DPY19L4: variants seen among roughly 807,000 people sequenced by gnomAD.
The protein encoded by DPY19L4 is dpy-19 like 4, also known as probable C-mannosyltransferase DPY19L4.
In DPY19L4, 97 loss-of-function variants were observed where a neutral mutation model predicts 102.8. The ratio of observed to expected loss-of-function variants is 0.94; its 90% confidence interval spans 0.80 to 1.12. The LOEUF is 1.12. Among genes scored for constraint, DPY19L4 ranks in the 50% most tolerant of loss-of-function variants. DPY19L4 has a pLI of 0.00. For missense variants in DPY19L4, 815 were observed against 850.4 expected, an observed-to-expected ratio of 0.96 and a Z score of 0.52; for synonymous variants, 252 against 283.1, an observed-to-expected ratio of 0.89 and a Z score of 1.10.
chr8:94,738,516 C>G, intron 4 of DPY19L4, 57 bp downstream of exon 4: 5 of 779,692 alleles, frequency 6.4e-6, no homozygotes, highest in Non-Finnish European at 7.0e-6. Context: ...CTTTTCTTTT[C>G]TTTTTTTTTT....
chr8:94,779,786 A>G (rs1003410008), intron 14 of DPY19L4, among the ~76,000 whole-genome samples: 2 of 152,208 alleles, frequency 1.3e-5, no homozygotes, highest in African/African-American at 4.8e-5. Flanking sequence ...TCTGGTTGGT[A>G]TGACTGGATC....
rs1240950340 is a variant in DPY19L4 at position 94,764,645 on chromosome 8, ATATG to A, written c.871-521_871-518del. 1.8e-3 allele frequency among the ~76,000 whole-genome samples: 240 copies of A among 134,562 alleles called. 1 individual carries two copies. Among genetic ancestry groups the A allele is most frequent in the Non-Finnish European group, 2.9e-3 (185 of 64,490 alleles). 88.3% of individuals were successfully genotyped at this position (134,562 alleles called of 152,430 possible). ...TATTTTATACATATATATTATATAT[ATATG>A]TATGTATGTATGTATGCGTGTGTGT... On this transcript the variant is annotated intron_variant, in intron 8 of 18. Transcript: ENST00000414645.
chr8:94,765,390 G>T, intron 9 of DPY19L4, 76 bp downstream of exon 9: 1 of 1,411,460 alleles, frequency 7.1e-7, no homozygotes, highest in East Asian at 2.3e-5. Flanking sequence ...TGTTGCCCAG[G>T]CTGGAGTACA....
Position 94,787,895 on chromosome 8 carries a change from T to G in DPY19L4, c.1850T>G (p.Ile617Ser), listed in dbSNP as rs1813720674. 1 of 1,360,514 alleles carries G rather than the reference T, an allele frequency of 7.4e-7. No individual in the cohort carries two copies. 84.3% of individuals were successfully genotyped at this position (1,360,514 alleles called of 1,614,324 possible). The change falls in exon 18 of 19, where the codon ATC becomes AGC. Residue 617 changes from isoleucine (I) to serine (S), a missense_variant and splice_region_variant. By Grantham distance (142) the Ile-to-Ser change is moderately radical (BLOSUM62 -2). Coordinates refer to ENST00000414645, the MANE Select transcript of DPY19L4 (RefSeq NM_181787.3). ...DDDLLKRNEN[I>S]YQIYSKRSAE... ...TTTATTTTAATTATATTCTTTCAGA[T>G]CTACCAAATCTATTCAAAGCGATCT...
At chr8:94,733,033 C>T (rs1454367018) in intron 2 of DPY19L4, among the ~76,000 whole-genome samples, 4 of 146,604 alleles carry the variant, frequency 2.7e-5, no homozygotes, top group Non-Finnish European at 4.5e-5. Flanking sequence ...AGTCTGGTTT[C>T]AAACTCATGA....
In DPY19L4 at chr8:94,765,237, C is replaced by T. The variant is rs772854722; in HGVS notation, c.925C>T (p.Gln309Ter). Reference protein sequence around the residue: ...IFSLFLGYLLQFENPALLVSP... With the variant: ...IFSLFLGYLL ...TTCCCTCTTTCTGGGATATTTACTACAGTTTGAGAATCCAGCTTTGTTGGT... is the reference window on the plus strand; with the variant it reads ...TTCCCTCTTTCTGGGATATTTACTATAGTTTGAGAATCCAGCTTTGTTGGT... The change falls in exon 9 of 19, where the codon CAG becomes TAG. Residue 309 changes from glutamine to a stop codon, truncating the protein, a stop_gained. Transcript: ENST00000414645. LOFTEE classifies it high-confidence loss of function. The T allele has an allele frequency of 6.2e-7, 1 of 1,607,476 alleles. No individual in the cohort carries two copies. The highest frequency in any genetic ancestry group is 1.1e-5 in the South Asian group (1 of 89,216).
rs190859529 is a variant in DPY19L4 at position 94,758,557 on chromosome 8, A to G, written c.735+2398A>G. 5.9e-5 allele frequency among the ~76,000 whole-genome samples: 9 copies of G among 152,248 alleles called. No homozygotes were observed. The East Asian group carries it at 9.6e-4, about 16-fold the overall frequency. On this transcript the variant is annotated intron_variant, in intron 7 of 18. Coordinates refer to ENST00000414645, the MANE Select transcript of DPY19L4 (RefSeq NM_181787.3). ...CCAAACCTCTGGCAACCACTGATCTATTCTCTATCACTATAATTTTGTCAC... is the reference window on the plus strand; with the variant it reads ...CCAAACCTCTGGCAACCACTGATCTGTTCTCTATCACTATAATTTTGTCAC...
chr8:94,763,750 T>A (rs1476375754), intron 8 of DPY19L4, among the ~76,000 whole-genome samples: 1 of 152,078 alleles, frequency 6.6e-6, no homozygotes, highest in Non-Finnish European at 1.5e-5. Flanking sequence ...GGTCTTGAAC[T>A]CCTGGCCTCA....
At chr8:94,744,685 AAG>A (rs765036329) in intron 6 of DPY19L4, 19 of 407,778 alleles carry the variant, frequency 4.7e-5, no homozygotes, top group Non-Finnish European at 7.3e-5. Flanking sequence ...TTTAAAGAAT[AAG>A]ACTCTCTTAT....
At chr8:94,748,476 A>T (rs147744990) in intron 6 of DPY19L4, among the ~76,000 whole-genome samples, 105 of 152,192 alleles carry the variant, frequency 6.9e-4, no homozygotes, top group African/African-American at 2.3e-3. Flanking sequence ...TTTCAAAAAA[A>T]TTTTTTGGGA....
intron 3 of DPY19L4, among the ~76,000 whole-genome samples, 190 bp from the exon 4 acceptor site, chr8:94,738,179 G>A (rs1176652738): frequency 2.0e-5 from 3 of 151,606 alleles, no homozygotes; most frequent in Non-Finnish European, 4.4e-5. Flanking sequence ...ATAGCCGGGC[G>A]TGGTGGCAGG....
At chr8:94,774,507 A>G (rs1263464263) in intron 13 of DPY19L4, among the ~76,000 whole-genome samples, 2 of 151,996 alleles carry the variant, frequency 1.3e-5, no homozygotes, top group Non-Finnish European at 2.9e-5. Context: ...AAAACTGTGT[A>G]TCAATGAACA....
chr8:94,725,889 G>A (rs1230741257), intron 1 of DPY19L4, among the ~76,000 whole-genome samples: 7 of 151,952 alleles, frequency 4.6e-5, no homozygotes, highest in African/African-American at 1.2e-4. Context: ...CGCCCACCTC[G>A]GCCTCCCAAA....
intron 17 of DPY19L4, among the ~76,000 whole-genome samples, chr8:94,786,693 G>A (rs1379694526): frequency 6.6e-6 from 1 of 152,002 alleles, no homozygotes; most frequent in Non-Finnish European, 1.5e-5. Flanking sequence ...GACTACTGGT[G>A]CATGCCACCG....
intron 1 of DPY19L4, among the ~76,000 whole-genome samples, chr8:94,725,264 A>G (rs1314960071): frequency 6.6e-6 from 1 of 152,242 alleles, no homozygotes; most frequent in Non-Finnish European, 1.5e-5. Context: ...AAATTATTGT[A>G]TCACTTTATA....
At chr8:94,741,620 T>C (rs1811447777) in intron 6 of DPY19L4, among the ~76,000 whole-genome samples, 1 of 152,222 alleles carries the variant, frequency 6.6e-6, no homozygotes, top group African/African-American at 2.4e-5. Flanking sequence ...TCTGTACTTA[T>C]GGATTTTTAT....
chr8:94,738,906 A>C (rs1334461584), intron 4 of DPY19L4, among the ~76,000 whole-genome samples: 1 of 152,064 alleles, frequency 6.6e-6, no homozygotes, highest in Non-Finnish European at 1.5e-5. Context: ...GTAATTGTGC[A>C]TATTTATGGG....
At chr8:94,728,243 G>A (rs1166544473) in intron 2 of DPY19L4, among the ~76,000 whole-genome samples, 1 of 152,236 alleles carries the variant, frequency 6.6e-6, no homozygotes, top group Non-Finnish European at 1.5e-5. Flanking sequence ...TCTCAGGCCT[G>A]CTGTGTTAAC....
intron 17 of DPY19L4, among the ~76,000 whole-genome samples, chr8:94,787,595 T>C (rs1462798656): frequency 1.3e-5 from 2 of 152,158 alleles, no homozygotes; most frequent in African/African-American, 4.8e-5. Flanking sequence ...CAAGAGTTGA[T>C]CCAATATTAA....
Sources: gnomAD v4.1 joint callset for allele counts (sites outside exome capture counted in the v4.1 genomes callset) on GRCh38, gnomAD v4.1.1 for gene constraint, MANE v1.5 for transcripts, NCBI Gene and HGNC (gene_info 2026-07-23, HGNC 2026-07-21) for gene names.